The following RBFOX1 variants were observed in gnomAD, a reference collection of about 807,000 sequenced individuals.
The protein encoded by RBFOX1 is RNA binding protein fox-1 homolog 1.
Under a neutral mutation model 57.7 loss-of-function variants are expected in RBFOX1, and 8 were observed. The observed-to-expected ratio is 0.14, with a 90% confidence interval of 0.08 to 0.25. RBFOX1 has a LOEUF of 0.25. Among genes scored for constraint, RBFOX1 ranks in the 10% least tolerant of loss-of-function variants. The pLI is 1.00. For missense variants in RBFOX1, 611 were observed against 548.5 expected (o/e 1.11, Z -1.14); for synonymous variants, 326 against 222.4 (o/e 1.47, Z -4.15).
chr16:5,271,333 G>T (rs868448647), intron 1 of RBFOX1, among the ~76,000 whole-genome samples: 1 of 150,892 alleles, frequency 6.6e-6, no homozygotes, highest in African/African-American at 2.4e-5. Context: ...CTCCAGCCTG[G>T]ATTGCAGAAG....
At chr16:5,366,423 A>G in intron 1 of RBFOX1, 1 of 449,582 alleles carries the variant, frequency 2.2e-6, no homozygotes, top group Non-Finnish European at 4.3e-6. Context: ...AATGCACACA[A>G]GTCAAATCAA....
chr16:7,001,515 T>C (rs892481094), intron 3 of RBFOX1, among the ~76,000 whole-genome samples: 5 of 152,072 alleles, frequency 3.3e-5, no homozygotes, highest in African/African-American at 1.2e-4. Context: ...GGAGTACAGT[T>C]GCATGATCTC....
intron 3 of RBFOX1, among the ~76,000 whole-genome samples, chr16:6,832,872 C>G (rs142066541): frequency 6.6e-6 from 1 of 152,196 alleles, no homozygotes; most frequent in Non-Finnish European, 1.5e-5. Context: ...CTGTGCTAGA[C>G]CTTGGTTCTG....
chr16:5,374,715 T>TC (rs1491169278), intron 1 of RBFOX1, among the ~76,000 whole-genome samples: 1 of 76,594 alleles, frequency 1.3e-5, no homozygotes, highest in African/African-American at 6.0e-5. Context: ...TCTCTATGTG[T>TC]TTTTTTTTTT....
At chr16:6,665,275 C>T (rs1201056476) in intron 3 of RBFOX1, among the ~76,000 whole-genome samples, 3 of 152,036 alleles carry the variant, frequency 2.0e-5, no homozygotes, top group Non-Finnish European at 4.4e-5. Context: ...TCAGCCACCC[C>T]AGCAGTGGGA....
intron 2 of RBFOX1, among the ~76,000 whole-genome samples, chr16:6,649,849 T>C (rs2098566339): frequency 6.6e-6 from 1 of 152,228 alleles, no homozygotes; most frequent in African/African-American, 2.4e-5. Context: ...TAGTATATTA[T>C]ATATTGTATT....
At chr16:7,065,199 C>T (rs535383261) in intron 4 of RBFOX1, among the ~76,000 whole-genome samples, 14 of 152,180 alleles carry the variant, frequency 9.2e-5, no homozygotes, top group Non-Finnish European at 1.8e-4. Flanking sequence ...TCTAATATTT[C>T]ATGGTTTAGT....
chr16:6,714,817 C>G (rs939843435), intron 3 of RBFOX1, among the ~76,000 whole-genome samples: 1 of 152,108 alleles, frequency 6.6e-6, no homozygotes, highest in East Asian at 1.9e-4. Context: ...TTCTTTGAAC[C>G]ACCTGTGCTA....
intron 4 of RBFOX1, among the ~76,000 whole-genome samples, chr16:5,981,214 G>A (rs775294281): frequency 6.6e-6 from 1 of 152,204 alleles, no homozygotes; most frequent in Non-Finnish European, 1.5e-5. Flanking sequence ...CTTGGCAGCA[G>A]CAATGTGAAG....
chr16:6,560,528 G>A (rs781468145), intron 2 of RBFOX1, among the ~76,000 whole-genome samples: 2 of 152,118 alleles, frequency 1.3e-5, no homozygotes, highest in Non-Finnish European at 2.9e-5. Flanking sequence ...CAATAGAAGG[G>A]CCAGAGGGAG....
chr16:5,355,275 C>G (rs2065359023), intron 1 of RBFOX1, among the ~76,000 whole-genome samples: 1 of 152,090 alleles, frequency 6.6e-6, no homozygotes, highest in Non-Finnish European at 1.5e-5. Flanking sequence ...CAGGATAGTT[C>G]AAGGAAGGTT....
At chr16:7,586,012 C>T (rs983737981) in intron 6 of RBFOX1, among the ~76,000 whole-genome samples, 5 of 151,920 alleles carry the variant, frequency 3.3e-5, no homozygotes, top group African/African-American at 1.2e-4. Flanking sequence ...CTCTGGGGGT[C>T]ATAAAGGATG....
intron 1 of RBFOX1, among the ~76,000 whole-genome samples, chr16:6,110,929 T>C (rs1048246558): frequency 1.3e-5 from 2 of 152,130 alleles, no homozygotes; most frequent in African/African-American, 4.8e-5. Context: ...TGCAAAATGC[T>C]AGTGTGGAGT....
In RBFOX1 at chr16:7,322,274, G is replaced by A. The variant is rs577921609; in HGVS notation, c.28-195873G>A. Among the ~76,000 whole-genome samples the A allele has an allele frequency of 9.8e-5, 15 of 152,352 alleles. No individual in the cohort carries two copies. In the South Asian group the frequency reaches 2.7e-3, roughly 27 times the overall value. On this transcript the variant is annotated intron_variant, in intron 4 of 15. Coordinates refer to ENST00000550418, the MANE Select transcript of RBFOX1 (RefSeq NM_018723.4). ...CAGACTTGCTTTTACAATATGGGGT[G>A]CCTTAGCACCTGCCCCATGTTGTTT... is the stretch of plus-strand genomic sequence containing the variant.
At chr16:5,605,213 G>C (rs1033209375) in intron 3 of RBFOX1, among the ~76,000 whole-genome samples, 6 of 152,168 alleles carry the variant, frequency 3.9e-5, no homozygotes, top group Non-Finnish European at 8.8e-5. Context: ...AGATTGGACT[G>C]GATTTCATCT....
intron 3 of RBFOX1, among the ~76,000 whole-genome samples, chr16:5,618,409 C>G (rs2048109819): frequency 6.6e-6 from 1 of 152,106 alleles, no homozygotes; most frequent in South Asian, 2.1e-4. Flanking sequence ...GCGATCTCGG[C>G]TCACTGCAAG....
intron 3 of RBFOX1, among the ~76,000 whole-genome samples, chr16:5,759,492 C>T (rs2053518153): frequency 6.6e-6 from 1 of 152,216 alleles, no homozygotes; most frequent in Non-Finnish European, 1.5e-5. Context: ...CAAATGCATA[C>T]ACCTCTCAGG....
chr16:6,244,963 G>A (rs998788307), intron 1 of RBFOX1, among the ~76,000 whole-genome samples: 27 of 130,260 alleles, frequency 2.1e-4, no homozygotes, highest in African/African-American at 5.3e-4. Flanking sequence ...TTTGTTTTTC[G>A]TTCTGGAGTC....
At chr16:6,765,668 G>T (rs1476403304) in intron 3 of RBFOX1, among the ~76,000 whole-genome samples, 1 of 152,066 alleles carries the variant, frequency 6.6e-6, no homozygotes, top group East Asian at 1.9e-4. Flanking sequence ...CTACCCAGAG[G>T]AAAGATGCCT....
Sources: gnomAD v4.1 joint callset for allele counts (sites outside exome capture counted in the v4.1 genomes callset) on GRCh38, gnomAD v4.1.1 for gene constraint, MANE v1.5 for transcripts, NCBI Gene and HGNC (gene_info 2026-07-23, HGNC 2026-07-21) for gene names.